The following SMAD6 variants were observed in gnomAD, a reference collection of about 807,000 sequenced individuals.
The protein encoded by SMAD6 is SMAD family member 6.
In SMAD6, 103 loss-of-function variants were observed where a neutral mutation model predicts 39.4. The observed-to-expected ratio is 2.62, with a 90% CI of 2.23 to 3.08. The LOEUF (loss-of-function observed/expected upper bound fraction) is 3.08, where lower values mean the gene tolerates loss of function less well. Ranked by LOEUF, SMAD6 falls within the 30% of genes most tolerant of loss-of-function variation. The pLI, the probability that SMAD6 is intolerant of heterozygous loss-of-function variation, is 0.00. For missense variants in SMAD6, 1,104 were observed against 742.9 expected, an observed-to-expected ratio of 1.49 and a Z score of -5.65; for synonymous variants, 445 against 353.3, an observed-to-expected ratio of 1.26 and a Z score of -2.91.
At position 66,703,467 on chromosome 15, in the gene SMAD6, A is replaced by T; in HGVS notation, c.209A>T (p.Asp70Val). Residue 70 changes from aspartate to valine, a missense_variant, in exon 1 of 4, where the codon GAC (aspartate) becomes GTC (valine). Transcript: ENST00000288840. Reference sequence around the variant, plus strand: ...CCGGTAGCCCCGCGGCGGCCCCGGGACGCAGTGGGACAGCGAGGCGCCCAG... The same window carrying T: ...CCGGTAGCCCCGCGGCGGCCCCGGGTCGCAGTGGGACAGCGAGGCGCCCAG... ...VRPVAPRRPR[D>V]AVGQRGAQGA... 3 of 1,248,310 alleles carry T rather than the reference A, an allele frequency of 2.4e-6. No homozygotes were observed. Among genetic ancestry groups the T allele is most frequent in the Non-Finnish European group, 3.0e-6 (3 of 992,408 alleles). 77.3% of individuals were successfully genotyped at this position (1,248,310 alleles called of 1,614,324 possible). A position where few individuals can be genotyped will look rare whatever the true frequency, so the allele number is the denominator to read the frequency against.
Position 66,703,459 on chromosome 15 carries a change from GC to G in SMAD6, c.205del (p.Arg69GlyfsTer56). 1 of 1,266,988 alleles carries G rather than the reference GC, an allele frequency of 7.9e-7. No homozygotes were observed. 78.5% of individuals were successfully genotyped at this position (1,266,988 alleles called of 1,614,324 possible). On this transcript the variant is annotated frameshift_variant, in exon 1 of 4. Coordinates refer to ENST00000288840, the MANE Select transcript of SMAD6 (RefSeq NM_005585.5). LOFTEE classifies it high-confidence loss of function. ...SEVRPVAPRR[P>X]RDAVGQRGAQ... ...AAGTCCGCCCGGTAGCCCCGCGGCG[GC>G]CCCGGGACGCAGTGGGACAGCGAGG...
rs1173813446 is a variant in SMAD6 at position 66,781,371 on chromosome 15, C to A, written c.1327C>A (p.Arg443Ser). 6.2e-7 allele frequency: 1 copy of A among 1,600,098 alleles called. No individual in the cohort carries two copies. Among genetic ancestry groups the A allele is most frequent in the Non-Finnish European group, 8.5e-7 (1 of 1,176,084 alleles). The change falls in exon 4 of 4, where the codon CGC (arginine) becomes AGC (serine). Residue 443 changes from arginine (R) to serine (S), a missense_variant. Physicochemically the swap from Arg to Ser is moderately radical, Grantham distance 110. Transcript: ENST00000288840. ...CTCCATCAAGGTGTTCGACTTCGAGCGCTCGGGCCTGCAGCACGCGCCCGA... is the reference window on the plus strand; with the variant it reads ...CTCCATCAAGGTGTTCGACTTCGAGAGCTCGGGCCTGCAGCACGCGCCCGA... ...GYSIKVFDFE[R>S]SGLQHAPEPD...
intron 3 of SMAD6, among the ~76,000 whole-genome samples, chr15:66,764,187 G>A (rs1894252274): frequency 1.3e-5 from 2 of 152,204 alleles, no homozygotes; most frequent in African/African-American, 2.4e-5. Context: ...ATCTGCTTTC[G>A]AGAGCAGATA....
chr15:66,721,790 T>C (rs1893437414), intron 3 of SMAD6, among the ~76,000 whole-genome samples: 1 of 152,168 alleles, frequency 6.6e-6, no homozygotes, highest in African/African-American at 2.4e-5. Flanking sequence ...GTTTCTGCCC[T>C]CAAGGTATTC....
At chr15:66,773,174 G>T (rs1894407391) in intron 3 of SMAD6, among the ~76,000 whole-genome samples, 1 of 140,448 alleles carries the variant, frequency 7.1e-6, no homozygotes, top group Non-Finnish European at 1.5e-5. Flanking sequence ...TGGAAGCCCG[G>T]CTTCCTCTAG....
At chr15:66,716,874 T>C (rs1166177845) in intron 3 of SMAD6, 1 of 696,124 alleles carries the variant, frequency 1.4e-6, no homozygotes, top group East Asian at 6.5e-5. Flanking sequence ...CTTCCTCCTG[T>C]CCTCACTCCA....
intron 3 of SMAD6, among the ~76,000 whole-genome samples, chr15:66,775,908 A>C (rs1894458808): frequency 6.6e-6 from 1 of 152,194 alleles, no homozygotes; most frequent in Non-Finnish European, 1.5e-5. Flanking sequence ...TGAGAGGCAC[A>C]GGGGGAGGGG....
intron 1 of SMAD6, chr15:66,706,900 A>T (rs1175496506): frequency 2.0e-5 from 3 of 152,260 alleles, no homozygotes; most frequent in African/African-American, 7.2e-5. Context: ...CTATATCTAA[A>T]GTAAAGGGTT....
intron 3 of SMAD6, among the ~76,000 whole-genome samples, chr15:66,762,918 G>T (rs1443798879): frequency 6.6e-6 from 1 of 152,076 alleles, no homozygotes. Flanking sequence ...AGAGAAAAAG[G>T]AGTTCACCAA....
At chr15:66,725,873 GGCCATGCTA>G (rs1199241482) in intron 3 of SMAD6, among the ~76,000 whole-genome samples, 1 of 152,180 alleles carries the variant, frequency 6.6e-6, no homozygotes, top group African/African-American at 2.4e-5. Flanking sequence ...CAGAACAGGT[GGCCATGCTA>G]GCCCCTCAGG....
intron 2 of SMAD6, among the ~76,000 whole-genome samples, chr15:66,715,563 G>C (rs780197316): frequency 1.3e-5 from 2 of 152,132 alleles, no homozygotes; most frequent in African/African-American, 4.8e-5. Context: ...GTCCCTTAAC[G>C]GGGACAACAC....
At chr15:66,712,735 G>A (rs893166105) in intron 2 of SMAD6, among the ~76,000 whole-genome samples, 1 of 150,116 alleles carries the variant, frequency 6.7e-6, no homozygotes, top group African/African-American at 2.4e-5. Flanking sequence ...GGTTGGGAAC[G>A]ATGGCTCATG....
intron 3 of SMAD6, among the ~76,000 whole-genome samples, chr15:66,732,458 C>A (rs1376518537): frequency 6.6e-6 from 1 of 152,166 alleles, no homozygotes; most frequent in Non-Finnish European, 1.5e-5. Flanking sequence ...TCAAGTGATC[C>A]TCATGTCTCA....
At chr15:66,739,795 T>G (rs936887223) in intron 3 of SMAD6, among the ~76,000 whole-genome samples, 4 of 152,164 alleles carry the variant, frequency 2.6e-5, no homozygotes, top group Non-Finnish European at 5.9e-5. Flanking sequence ...CTGTTTAAAT[T>G]AAAAGAAAAA....
chr15:66,762,019 T>C, intron 3 of SMAD6, among the ~76,000 whole-genome samples: 1 of 152,180 alleles, frequency 6.6e-6, no homozygotes, highest in Non-Finnish European at 1.5e-5. Context: ...AGGCTTGCAG[T>C]CAGCTTAGCC....
At chr15:66,768,131 C>T (rs1254385533) in intron 3 of SMAD6, among the ~76,000 whole-genome samples, 2 of 151,904 alleles carry the variant, frequency 1.3e-5, no homozygotes, top group Non-Finnish European at 2.9e-5. Flanking sequence ...GCCATCATGT[C>T]TGGATAATTT....
intron 3 of SMAD6, among the ~76,000 whole-genome samples, chr15:66,751,275 G>A (rs1894001566): frequency 6.6e-6 from 1 of 152,220 alleles, no homozygotes; most frequent in Non-Finnish European, 1.5e-5. Flanking sequence ...GGTGGGGCCA[G>A]TCCCAGCTCG....
intron 3 of SMAD6, among the ~76,000 whole-genome samples, chr15:66,780,663 G>C (rs892893348): frequency 2.6e-5 from 4 of 152,226 alleles, no homozygotes; most frequent in Non-Finnish European, 5.9e-5. Context: ...GCAGTTGTCT[G>C]TCTCTCCTGC....
At chr15:66,756,392 AT>A (rs1894100073) in intron 3 of SMAD6, among the ~76,000 whole-genome samples, 1 of 152,102 alleles carries the variant, frequency 6.6e-6, no homozygotes, top group African/African-American at 2.4e-5. Context: ...CCAACTTGCA[AT>A]TTACTTAATG....
Sources: gnomAD v4.1 joint callset for allele counts (sites outside exome capture counted in the v4.1 genomes callset) on GRCh38, gnomAD v4.1.1 for gene constraint, MANE v1.5 for transcripts, NCBI Gene and HGNC (gene_info 2026-07-23, HGNC 2026-07-21) for gene names.